Variants in METTL24 observed in about 807,000 individuals in gnomAD.
METTL24 encodes methyltransferase like 24, also known as probable methyltransferase-like protein 24.
METTL24 carries 29 observed loss-of-function variants against 32.7 expected under a neutral mutation model. The observed-to-expected ratio is 0.89, with a 90% CI of 0.66 to 1.21. The LOEUF (loss-of-function observed/expected upper bound fraction) is 1.21, where lower values mean the gene tolerates loss of function less well. METTL24 is among the 50% of genes most tolerant of loss of function. METTL24 has a pLI of 0.00. For synonymous variants in METTL24, 163 were observed against 179.5 expected, an observed-to-expected ratio of 0.91 and a Z score of 0.73; for missense variants, 439 against 468.1, an observed-to-expected ratio of 0.94 and a Z score of 0.57.
chr6:110,259,100 G>T (rs1778440215), intron 4 of METTL24, among the ~76,000 whole-genome samples: 1 of 152,112 alleles, frequency 6.6e-6, no homozygotes, highest in Admixed American at 6.6e-5. Flanking sequence ...ATCTCACTGG[G>T]GACTGTCAGA....
intron 4 of METTL24, among the ~76,000 whole-genome samples, chr6:110,290,946 C>A (rs1024785898): frequency 1.3e-5 from 2 of 152,056 alleles, no homozygotes; most frequent in African/African-American, 4.8e-5. Context: ...ATTTTCATTA[C>A]CCTAATAACT....
intron 1 of METTL24, among the ~76,000 whole-genome samples, chr6:110,335,756 T>C (rs982588293): frequency 2.6e-5 from 4 of 152,064 alleles, no homozygotes; most frequent in African/African-American, 9.7e-5. Context: ...ACCTTAATAA[T>C]AATCAAGACT....
intron 1 of METTL24, among the ~76,000 whole-genome samples, chr6:110,342,618 A>G (rs570330690): frequency 6.6e-6 from 1 of 152,214 alleles, no homozygotes; most frequent in Non-Finnish European, 1.5e-5. Context: ...TTTAGTATAT[A>G]TACAGCTTGT....
intron 4 of METTL24, among the ~76,000 whole-genome samples, chr6:110,264,200 GA>G (rs1355251630): frequency 6.6e-6 from 1 of 151,682 alleles, no homozygotes; most frequent in Non-Finnish European, 1.5e-5. Flanking sequence ...CAGAATGGGA[GA>G]AAATTTTTGC....
At chr6:110,328,144 A>G (rs929701627) in intron 1 of METTL24, among the ~76,000 whole-genome samples, 1 of 152,198 alleles carries the variant, frequency 6.6e-6, no homozygotes, top group Non-Finnish European at 1.5e-5. Flanking sequence ...CTCCTGCAGG[A>G]GTGGGGACCC....
At chr6:110,276,845 C>CA (rs945415016) in intron 4 of METTL24, among the ~76,000 whole-genome samples, 5 of 151,884 alleles carry the variant, frequency 3.3e-5, no homozygotes, top group Admixed American at 6.6e-5. Flanking sequence ...AAAAAACAAA[C>CA]AAAAAAACAC....
At chr6:110,357,646 AT>A (rs1486153229) in intron 1 of METTL24, 1 of 161,778 alleles carries the variant, frequency 6.2e-6, no homozygotes, top group Non-Finnish European at 1.3e-5. Flanking sequence ...ACTAAAGTGT[AT>A]CCTCCGTGAG....
chr6:110,300,350 GATA>G (rs1477698904), intron 3 of METTL24, among the ~76,000 whole-genome samples: 1 of 151,410 alleles, frequency 6.6e-6, no homozygotes, highest in East Asian at 1.9e-4. Context: ...AAGTTCAGTG[GATA>G]ATAATTATTT....
At chr6:110,317,408 A>G (rs892949598) in intron 2 of METTL24, among the ~76,000 whole-genome samples, 1 of 152,108 alleles carries the variant, frequency 6.6e-6, no homozygotes, top group Non-Finnish European at 1.5e-5. Flanking sequence ...GAAGTTGCTA[A>G]TCTAGTTAGT....
At chr6:110,273,731 T>G (rs1770996072) in intron 4 of METTL24, among the ~76,000 whole-genome samples, 1 of 152,206 alleles carries the variant, frequency 6.6e-6, no homozygotes, top group South Asian at 2.1e-4. Context: ...TAATAGATGT[T>G]GGCATGGATG....
intron 4 of METTL24, among the ~76,000 whole-genome samples, chr6:110,262,651 C>G (rs996525953): frequency 6.6e-6 from 1 of 152,082 alleles, no homozygotes; most frequent in African/African-American, 2.4e-5. Context: ...CAAAGCCTGG[C>G]AGAGACACAA....
chr6:110,337,353 T>C (rs868766353), intron 1 of METTL24, among the ~76,000 whole-genome samples: 2 of 152,152 alleles, frequency 1.3e-5, no homozygotes, highest in African/African-American at 4.8e-5. Context: ...TGAAATAATC[T>C]GTACAACAAA....
chr6:110,306,981 T>C (rs1771637891), intron 3 of METTL24, among the ~76,000 whole-genome samples: 1 of 152,208 alleles, frequency 6.6e-6, no homozygotes, highest in African/African-American at 2.4e-5. Flanking sequence ...GCTATGTCAA[T>C]CTTGCTCATT....
intron 1 of METTL24, among the ~76,000 whole-genome samples, chr6:110,324,116 A>G (rs1205383247): frequency 1.3e-5 from 2 of 152,142 alleles, no homozygotes; most frequent in Non-Finnish European, 2.9e-5. Context: ...AGGTTAGTCT[A>G]TGTGAAGCCA....
At chr6:110,283,707 C>G (rs1213730321) in intron 4 of METTL24, among the ~76,000 whole-genome samples, 2 of 152,192 alleles carry the variant, frequency 1.3e-5, no homozygotes, top group Non-Finnish European at 1.5e-5. Flanking sequence ...TCAGCTACAT[C>G]TTAAAAGACT....
chr6:110,281,768 T>C (rs17071377), intron 4 of METTL24, among the ~76,000 whole-genome samples: 18,474 of 151,066 alleles, frequency 0.12, 2,481 homozygotes, highest in African/African-American at 0.33. Flanking sequence ...CTTAGTTCAG[T>C]CAACACTTGG....
At chr6:110,338,890 A>G (rs1024417067) in intron 1 of METTL24, among the ~76,000 whole-genome samples, 1 of 152,188 alleles carries the variant, frequency 6.6e-6, no homozygotes, top group Non-Finnish European at 1.5e-5. Flanking sequence ...GTTACTGCAA[A>G]TTTTATTGGT....
intron 4 of METTL24, among the ~76,000 whole-genome samples, chr6:110,246,539 T>C (rs1047715803): frequency 1.3e-5 from 2 of 152,356 alleles, no homozygotes; most frequent in Admixed American, 1.3e-4. Flanking sequence ...TGCCTCCGCC[T>C]CCTGAGTAGC....
At position 110,334,920 on chromosome 6, in the gene METTL24, A is replaced by G. The variant is rs139545282; in HGVS notation, c.319-12048T>C. On this transcript the variant is annotated intron_variant, in intron 1 of 4. Coordinates refer to ENST00000338882, the MANE Select transcript of METTL24 (RefSeq NM_001123364.3). ...TCCAGGACATTCCTTGCATGATTCT[A>G]TATTTATAGAACATTTTTCTGTCTG... is the stretch of plus-strand genomic sequence containing the variant. Among the ~76,000 whole-genome samples, 32 of 152,282 alleles carry G rather than the reference A, an allele frequency of 2.1e-4. No individual in the cohort carries two copies. In the East Asian group the frequency reaches 5.4e-3, roughly 26 times the overall value.
Sources: allele counts gnomAD v4.1 joint callset (sites outside exome capture counted in the v4.1 genomes callset), GRCh38; gene constraint gnomAD v4.1.1; transcripts MANE v1.5; gene names NCBI Gene and HGNC (gene_info 2026-07-23, HGNC 2026-07-21).